Variants in PCDHA9 observed in about 807,000 individuals in gnomAD.
The protein encoded by PCDHA9 is protocadherin alpha 9.
Under a neutral mutation model 62.0 loss-of-function variants are expected in PCDHA9, and 62 were observed. The ratio of observed to expected loss-of-function variants is 1.00; its 90% confidence interval spans 0.81 to 1.23. The LOEUF is 1.23. Ranked by LOEUF, PCDHA9 falls within the 50% of genes most tolerant of loss-of-function variation. PCDHA9 has a pLI of 0.00. For synonymous variants in PCDHA9, 557 were observed against 567.6 expected (o/e 0.98, Z 0.27); for missense variants, 1,205 against 1,249.8 (o/e 0.96, Z 0.54).
At chr5:140,926,470 GT>G (rs1204371892) in intron 1 of PCDHA9, 7 of 162,858 alleles carry the variant, frequency 4.3e-5, no homozygotes, top group Non-Finnish European at 9.2e-5. Context: ...AGAAAACACC[GT>G]TTAAGGAGAG....
intron 1 of PCDHA9, chr5:140,865,271 T>C (rs1554159342): frequency 6.6e-6 from 1 of 152,236 alleles, no homozygotes; most frequent in East Asian, 1.9e-4. Flanking sequence ...TCAAATTATA[T>C]GTAAAATTAC....
chr5:140,988,214 A>AG (rs1408259452), intron 3 of PCDHA9, among the ~76,000 whole-genome samples: 28 of 152,200 alleles, frequency 1.8e-4, no homozygotes, highest in Non-Finnish European at 4.4e-5. Flanking sequence ...AGGAAAAAAA[A>AG]ATGAGATCAG....
rs782133260 is a variant in PCDHA9 at position 140,856,504 on chromosome 5, A to G, written c.2394+5615A>G. 3.8e-6 allele frequency: 6 copies of G among 1,598,348 alleles called. 1 individual carries two copies. The highest frequency in any genetic ancestry group is 8.6e-7 in the Non-Finnish European group (1 of 1,167,852). ...CCAGACTGCTTGACTCTCGATTTCC[A>G]CTAGAAGGCGCATCTGATGCGGATG... On this transcript the variant is annotated intron_variant, in intron 1 of 3. Transcript: ENST00000532602.
At chr5:140,996,077 G>A in intron 3 of PCDHA9, among the ~76,000 whole-genome samples, 1 of 152,218 alleles carries the variant, frequency 6.6e-6, no homozygotes, top group East Asian at 1.9e-4. Flanking sequence ...GATTCAAGAT[G>A]TTTTTGCTAG....
chr5:140,941,185 C>CTTTTT (rs782102770), intron 1 of PCDHA9, among the ~76,000 whole-genome samples: 1 of 102,242 alleles, frequency 9.8e-6, no homozygotes, highest in African/African-American at 3.6e-5. Context: ...CATCCTGCTT[C>CTTTTT]TTTTTTTTTC....
intron 1 of PCDHA9, chr5:140,868,839 C>T (rs1442886604): frequency 4.6e-6 from 2 of 432,190 alleles, no homozygotes; most frequent in East Asian, 3.8e-5. Flanking sequence ...ACCCAAAACA[C>T]GTGAAATTCT....
chr5:140,915,367 G>A lies in PCDHA9; in HGVS notation c.2395-63582G>A, dbSNP rs185020793. On this transcript the variant is annotated intron_variant, in intron 1 of 3. Coordinates refer to ENST00000532602, the MANE Select transcript of PCDHA9 (RefSeq NM_031857.2). Reference sequence around the variant, plus strand: ...TCTGTATGCCTATTCTTACCAGTAAGTGTCTCGGCATTGAAGAGCTAGGTA... The same window carrying A: ...TCTGTATGCCTATTCTTACCAGTAAATGTCTCGGCATTGAAGAGCTAGGTA... Among the ~76,000 whole-genome samples, 5 of 152,278 alleles carry A rather than the reference G, an allele frequency of 3.3e-5. No individual in the cohort carries two copies. In the East Asian group the frequency reaches 9.7e-4, roughly 29 times the overall value.
rs1554149566 is a variant in PCDHA9 at position 140,857,139 on chromosome 5, T to C, written c.2394+6250T>C. ...CTCCCAGTGAAAGAAGATGCTCAAG[T>C]GGGCACCGTCATTGCCCTAATCAGC... On this transcript the variant is annotated intron_variant, in intron 1 of 3. Transcript: ENST00000532602. 4 of 1,598,152 alleles carry C rather than the reference T, an allele frequency of 2.5e-6. 1 individual carries two copies. The highest frequency in any genetic ancestry group is 1.7e-5 in the Admixed American group (1 of 59,246).
At chr5:140,949,360 T>G (rs1178484553) in intron 1 of PCDHA9, among the ~76,000 whole-genome samples, 1 of 151,868 alleles carries the variant, frequency 6.6e-6, no homozygotes, top group South Asian at 2.1e-4. Context: ...TTTATTTTTT[T>G]GTCTAGTTGT....
In PCDHA9 at chr5:140,935,762, C is replaced by T. The variant is rs187194530; in HGVS notation, c.2395-43187C>T. Among the ~76,000 whole-genome samples the T allele has an allele frequency of 2.5e-3, 386 of 152,162 alleles. 3 individuals are homozygous for T. The highest frequency in any genetic ancestry group is 0.018 in the South Asian group (87 of 4,822). On this transcript the variant is annotated intron_variant, in intron 1 of 3. Transcript: ENST00000532602. ...TTATTCCATACAATACACATTCTTC[C>T]CCACTTTGAGTTTTTTCACTTAAAA... is the stretch of plus-strand genomic sequence containing the variant.
chr5:140,877,028 C>T (rs367864661), intron 1 of PCDHA9: 1 of 1,612,352 alleles, frequency 6.2e-7, no homozygotes, highest in Non-Finnish European at 8.5e-7. Flanking sequence ...AAGGTGTACG[C>T]GCTGCAGCCG....
At chr5:140,991,535 A>G (rs1323346658) in intron 3 of PCDHA9, among the ~76,000 whole-genome samples, 4 of 152,244 alleles carry the variant, frequency 2.6e-5, no homozygotes, top group South Asian at 4.1e-4. Context: ...TTGCCACTAT[A>G]TAACAAGGAT....
chr5:140,966,516 G>A (rs967570115), intron 1 of PCDHA9: 27 of 436,614 alleles, frequency 6.2e-5, no homozygotes, highest in Admixed American at 4.4e-4. Flanking sequence ...GCAGCAGCAG[G>A]AAGCCGAGCC....
intron 3 of PCDHA9, among the ~76,000 whole-genome samples, chr5:141,004,550 G>A (rs1554259606): frequency 6.6e-6 from 1 of 152,222 alleles, no homozygotes; most frequent in African/African-American, 2.4e-5. Flanking sequence ...TCCTTTAACT[G>A]TGCAAGATGA....
intron 1 of PCDHA9, chr5:140,857,181 C>CAGG (rs782645351): frequency 1.3e-6 from 2 of 1,598,372 alleles, no homozygotes; most frequent in African/African-American, 2.7e-5. Context: ...GACCATGATT[C>CAGG]AGGAGCCAAC....
intron 1 of PCDHA9, among the ~76,000 whole-genome samples, chr5:140,955,093 G>A (rs1554221774): frequency 6.6e-6 from 1 of 152,118 alleles, no homozygotes; most frequent in African/African-American, 2.4e-5. Flanking sequence ...TAGGTGTGTG[G>A]TGTTATTTCT....
chr5:140,938,758 A>T (rs2153638695), intron 1 of PCDHA9, among the ~76,000 whole-genome samples: 1 of 152,274 alleles, frequency 6.6e-6, no homozygotes, highest in African/African-American at 2.4e-5. Flanking sequence ...AGGCATAGTT[A>T]TTGGGTACTA....
chr5:140,877,674 G>T (rs2057278019), intron 1 of PCDHA9: 2 of 1,613,630 alleles, frequency 1.2e-6, no homozygotes, highest in East Asian at 4.5e-5. Flanking sequence ...GGTGCGCGCC[G>T]GGCAAGCCCA....
Position 141,009,727 on chromosome 5 carries a change from C to T in PCDHA9, c.2643C>T (p.Pro881=), listed in dbSNP as rs781880006. The part of the protein sequence containing the change: ...YGPGNPKQSG[P]GELPDKFIIP... ...CAGGCAACCCCAAACAATCCGGTCC[C>T]GGTGAGTTGCCCGACAAATTCATTA... Residue 881 remains proline, a synonymous_variant, in exon 4 of 4, where the codon CCC becomes CCT. Coordinates refer to ENST00000532602, the MANE Select transcript of PCDHA9 (RefSeq NM_031857.2). The T allele has an allele frequency of 3.1e-6, 5 of 1,614,022 alleles. No homozygotes were observed. The highest frequency in any genetic ancestry group is 2.2e-5 in the East Asian group (1 of 44,886).
Sources: allele counts gnomAD v4.1 joint callset (sites outside exome capture counted in the v4.1 genomes callset), GRCh38; gene constraint gnomAD v4.1.1; transcripts MANE v1.5; gene names NCBI Gene and HGNC (gene_info 2026-07-23, HGNC 2026-07-21).